The following STAB1 variants were observed in gnomAD, a reference collection of about 807,000 sequenced individuals.
STAB1 encodes the protein stabilin-1.
A neutral mutation model predicts 332.4 loss-of-function variants in STAB1; 250 were observed. The observed-to-expected ratio is 0.75, with a 90% CI of 0.68 to 0.84. The LOEUF (loss-of-function observed/expected upper bound fraction) is 0.84. STAB1 is among the 40% of genes least tolerant of loss of function. The probability of loss-of-function intolerance (pLI) is 0.00; values close to 1 mark genes in which losing one functional copy is unlikely to be tolerated. For synonymous variants in STAB1, 1,475 were observed against 1,390.4 expected (o/e 1.06, Z -1.35); for missense variants, 3,249 against 3,489.7 (o/e 0.93, Z 1.74).
Position 52,506,223 on chromosome 3 carries a change from G to A in STAB1, c.1803G>A (p.Gln601=), listed in dbSNP as rs748140065. 1.2e-6 allele frequency: 2 copies of A among 1,612,878 alleles called. No homozygotes were observed. The highest frequency in any genetic ancestry group is 8.5e-7 in the Non-Finnish European group (1 of 1,179,642). ...SKGRILTMAN[Q]VLAVNISEEG... The stretch of plus-strand genomic sequence containing the variant: ...GTCGGATCCTCACCATGGCGAACCA[G>A]GTCCTGGCTGTGAACATTTCTGAGG... The change falls in exon 17 of 69, where the codon CAG becomes CAA. Residue 601 remains glutamine, a synonymous_variant. Transcript: ENST00000321725.
intron 40 of STAB1, 48 bp from the exon 41 acceptor site, chr3:52,516,644 G>T: frequency 6.2e-7 from 1 of 1,612,410 alleles, no homozygotes; most frequent in African/African-American, 1.3e-5. Context: ...GGGGGTCAAG[G>T]CACGACTGGA....
At chr3:52,514,960 G>GC in intron 35 of STAB1, 29 bp from the exon 36 acceptor site, 1 of 1,613,180 alleles carries the variant, frequency 6.2e-7, no homozygotes, top group South Asian at 1.1e-5. Context: ...GGCCTGGACT[G>GC]CCTGATGCCC....
chr3:52,514,701 C>G lies in STAB1; in HGVS notation c.3679C>G (p.Pro1227Ala), dbSNP rs1395767010. Residue 1227 changes from proline (P) to alanine (A), a missense_variant and splice_region_variant, in exon 35 of 69, where the codon CCT becomes GCT. By Grantham distance (27) the Pro-to-Ala change is conservative (BLOSUM62 -1). Transcript: ENST00000321725. ...ATTCAGCCTCCATCCCTCTCCCCAG[C>G]CTGAGGTGAACCATGTGCCACTGGA... Reference protein sequence around the residue: ...WIVFYNHSGQPEVNHVPLEGP... With the variant: ...WIVFYNHSGQAEVNHVPLEGP... 1.2e-6 allele frequency: 2 copies of G among 1,613,048 alleles called. No individual in the cohort carries two copies. The highest frequency in any genetic ancestry group is 1.7e-6 in the Non-Finnish European group (2 of 1,179,964).
At chr3:52,519,225 C>G (rs1260343862) in intron 48 of STAB1, 39 bp from the exon 49 acceptor site, 1 of 1,595,124 alleles carries the variant, frequency 6.3e-7, no homozygotes, top group African/African-American at 1.3e-5. Flanking sequence ...TCCGAGCACC[C>G]CACCTATCTG....
In STAB1 at chr3:52,518,604, C is replaced by A. The variant is rs763180595; in HGVS notation, c.4878C>A (p.Asn1626Lys). Residue 1626 changes from asparagine (N) to lysine (K), a missense_variant, in exon 47 of 69, where the codon AAC (asparagine) becomes AAA (lysine). Transcript: ENST00000321725. ...TGCCGCACGCAGATCTAATGAGCAA[C>A]CTGTCGCAGGTATGCAGCCCCCAGA... ...IFVPHADLMS[N>K]LSQDELARIR... 6.2e-7 allele frequency: 1 copy of A among 1,606,314 alleles called. No individual in the cohort carries two copies.
chr3:52,502,115 G>A (rs1301202802), intron 4 of STAB1, 24 bp downstream of exon 4: 1 of 1,613,636 alleles, frequency 6.2e-7, no homozygotes, highest in Non-Finnish European at 8.5e-7. Flanking sequence ...AAGGTGGGGT[G>A]GAGGCTCAGA....
chr3:52,522,834 G>C lies in STAB1; in HGVS notation c.6804G>C (p.Val2268=). 1 of 1,613,304 alleles carries C rather than the reference G, an allele frequency of 6.2e-7. No homozygotes were observed. The highest frequency in any genetic ancestry group is 8.5e-7 in the Non-Finnish European group (1 of 1,180,020). The part of the protein sequence containing the change: ...WLANGSTAHP[V]VFPVADCGNG... The stretch of plus-strand genomic sequence containing the variant: ...CCAATGGCTCCACTGCCCACCCTGT[G>C]GTTTTCCCTGTGGCGGACTGTGGCA... The change falls in exon 62 of 69, where the codon GTG becomes GTC. Residue 2268 remains valine (V), a synonymous_variant. Coordinates refer to ENST00000321725, the MANE Select transcript of STAB1 (RefSeq NM_015136.3).
Position 52,503,093 on chromosome 3 carries a change from G to A in STAB1, c.678G>A (p.Gln226=), listed in dbSNP as rs112337417. The change falls in exon 7 of 69, where the codon CAG becomes CAA. Residue 226 remains glutamine, a synonymous_variant. Transcript: ENST00000321725. ...GGTGCCTGCCCGGCTACACACAGCA[G>A]GGCAGTGAATGCCGAGGTGAGCCTG... ...SCRCLPGYTQ[Q]GSECRAPNPC... 0.043 allele frequency: 68,478 copies of A among 1,595,002 alleles called. 1,661 individuals carry two copies. Among genetic ancestry groups the A allele is most frequent in the Middle Eastern group, 0.072 (416 of 5,802 alleles).
intron 1 of STAB1, among the ~76,000 whole-genome samples, chr3:52,497,008 T>C (rs991855627): frequency 1.3e-5 from 2 of 151,090 alleles, no homozygotes; most frequent in Non-Finnish European, 3.0e-5. Context: ...ATGTTCAGAC[T>C]TTTTTTCTTT....
chr3:52,506,188 A>T lies in STAB1; in HGVS notation c.1768A>T (p.Ile590Phe). Reference sequence around the variant, plus strand: ...GCCCCAGCTGACCGTTGAGAAGCTCATCTCCAAGGGTCGGATCCTCACCAT... The same window carrying T: ...GCCCCAGCTGACCGTTGAGAAGCTCTTCTCCAAGGGTCGGATCCTCACCAT... ...NHGQLTVEKL[I>F]SKGRILTMAN... The change falls in exon 17 of 69, where the codon ATC becomes TTC. Residue 590 changes from isoleucine (I) to phenylalanine (F), a missense_variant. Physicochemically the swap from Ile to Phe is conservative, Grantham distance 21. Coordinates refer to ENST00000321725, the MANE Select transcript of STAB1 (RefSeq NM_015136.3). The T allele has an allele frequency of 1.9e-6, 3 of 1,612,128 alleles. No homozygotes were observed. Among genetic ancestry groups the T allele is most frequent in the Non-Finnish European group, 2.5e-6 (3 of 1,179,268 alleles).
At position 52,524,227 on chromosome 3, in the gene STAB1, T is replaced by C. The variant is rs2153234354; in HGVS notation, c.7656+14T>C. ...GAACCCTTCGATGTAAGCATGGAAG[T>C]GAAGAAGTGTGGCAGATGTGGGATG... On this transcript the variant is annotated intron_variant, in intron 68 of 68. Coordinates refer to ENST00000321725, the MANE Select transcript of STAB1 (RefSeq NM_015136.3). 3.1e-6 allele frequency: 5 copies of C among 1,614,002 alleles called. No homozygotes were observed. The highest frequency in any genetic ancestry group is 3.3e-4 in the Middle Eastern group (2 of 6,062).
Position 52,524,475 on chromosome 3 carries a change from G to A in STAB1, c.*119G>A, listed in dbSNP as rs898260470. The A allele has an allele frequency of 6.8e-6, 11 of 1,612,658 alleles. No homozygotes were observed. Among genetic ancestry groups the A allele is most frequent in the African/African-American group, 4.0e-5 (3 of 74,928 alleles). On this transcript the variant is annotated 3_prime_UTR_variant, in exon 69 of 69. Transcript: ENST00000321725. ...CCCAGACAATAAAGGTGCCCTCAGC[G>A]GATGTGGGCCATGTCACCAAGGAAG...
chr3:52,497,847 G>A (rs745734079), intron 1 of STAB1, among the ~76,000 whole-genome samples: 2 of 152,136 alleles, frequency 1.3e-5, no homozygotes, highest in African/African-American at 2.4e-5. Flanking sequence ...AGGATATCCC[G>A]GGTAACCTGT....
rs1708592119 is a variant in STAB1, at chr3:52,503,343, G to A, written c.695-1G>A. The stretch of plus-strand genomic sequence containing the variant: ...CTTGGGCTCTCTCTCTGCCCTGGCA[G>A]CCCCCAACCCCTGCTGGCCATCACC... On this transcript the variant is annotated splice_acceptor_variant, in intron 7 of 68. Coordinates refer to ENST00000321725, the MANE Select transcript of STAB1 (RefSeq NM_015136.3). LOFTEE classifies it high-confidence loss of function. The A allele has an allele frequency of 6.2e-7, 1 of 1,606,490 alleles. No homozygotes were observed. The highest frequency in any genetic ancestry group is 8.5e-7 in the Non-Finnish European group (1 of 1,175,490).
rs147762084 is a variant in STAB1 at position 52,512,124 on chromosome 3, G to T, written c.2884-217G>T. ...TCCTCCCACAGCCCTGAGCTCCCTC[G>T]CATCCACCTGGCATGGGTAATGCTT... is the stretch of plus-strand genomic sequence containing the variant. On this transcript the variant is annotated intron_variant, in intron 26 of 68. Coordinates refer to ENST00000321725, the MANE Select transcript of STAB1 (RefSeq NM_015136.3). 1.2e-4 allele frequency among the ~76,000 whole-genome samples: 18 copies of T among 152,338 alleles called. No individual in the cohort carries two copies. The East Asian group carries it at 3.5e-3, about 29-fold the overall frequency.
intron 44 of STAB1, 119 bp from the exon 45 acceptor site, chr3:52,517,762 C>T: frequency 6.4e-7 from 1 of 1,572,278 alleles, no homozygotes; most frequent in Middle Eastern, 1.7e-4. Flanking sequence ...CGAGTTTAAT[C>T]AGTAGCAAAT....
intron 35 of STAB1, 39 bp from the exon 36 acceptor site, chr3:52,514,950 G>A: frequency 6.2e-7 from 1 of 1,613,016 alleles, no homozygotes; most frequent in Non-Finnish European, 8.5e-7. Context: ...CAGGGATCCA[G>A]GCCTGGACTG....
At chr3:52,514,552 C>T in intron 34 of STAB1, 56 bp downstream of exon 34, 2 of 1,532,688 alleles carry the variant, frequency 1.3e-6, no homozygotes, top group Non-Finnish European at 1.8e-6. Flanking sequence ...CCTGAAGATC[C>T]CTTCCCTTTG....
At chr3:52,499,296 TAGAA>T (rs1708263639) in intron 1 of STAB1, among the ~76,000 whole-genome samples, 1 of 152,220 alleles carries the variant, frequency 6.6e-6, no homozygotes, top group Non-Finnish European at 1.5e-5. Context: ...TTTGTTGCCG[TAGAA>T]GGCTGGTGGA....
Sources: allele counts gnomAD v4.1 joint callset (sites outside exome capture counted in the v4.1 genomes callset), GRCh38; gene constraint gnomAD v4.1.1; transcripts MANE v1.5; gene names NCBI Gene and HGNC (gene_info 2026-07-23, HGNC 2026-07-21).